Variants in ESRRG observed in about 807,000 individuals in gnomAD.
The protein encoded by ESRRG is estrogen related receptor gamma.
ESRRG carries 13 observed loss-of-function variants against 44.0 expected under a neutral mutation model. That is an observed-to-expected ratio of 0.30 (90% CI 0.19 to 0.47). The LOEUF (loss-of-function observed/expected upper bound fraction) is 0.47, where lower values mean the gene tolerates loss of function less well. Ranked by LOEUF, ESRRG falls within the 20% of genes least tolerant of loss-of-function variation. The pLI, the probability that ESRRG is intolerant of heterozygous loss-of-function variation, is 1.00. For synonymous variants in ESRRG, 215 were observed against 214.6 expected (o/e 1.00, Z -0.02); for missense variants, 395 against 580.6 (o/e 0.68, Z 3.29).
At chr1:216,820,902 G>T (rs897306003) in intron 2 of ESRRG, among the ~76,000 whole-genome samples, 9 of 152,094 alleles carry the variant, frequency 5.9e-5, no homozygotes, top group Non-Finnish European at 1.2e-4. Flanking sequence ...TCCTTCTCTT[G>T]TCTACTTATC....
intron 3 of ESRRG, among the ~76,000 whole-genome samples, chr1:216,589,266 C>A (rs1157501486): frequency 6.6e-6 from 1 of 152,082 alleles, no homozygotes; most frequent in African/African-American, 2.4e-5. Context: ...CTTATCCGAC[C>A]CACAAGTGGG....
At chr1:217,061,476 TC>T (rs1257731234) in intron 1 of ESRRG, among the ~76,000 whole-genome samples, 1 of 151,506 alleles carries the variant, frequency 6.6e-6, no homozygotes, top group African/African-American at 2.4e-5. Flanking sequence ...ATAAATGAGC[TC>T]CCCCCACACT....
At chr1:216,651,203 CAT>C (rs954155771) in intron 2 of ESRRG, 114 bp from the exon 3 acceptor site, 9 of 706,024 alleles carry the variant, frequency 1.3e-5, no homozygotes, top group Non-Finnish European at 2.1e-5. Context: ...AAAAATGTCA[CAT>C]GAGACTCAAG....
chr1:216,560,382 A>G (rs1185095425), intron 5 of ESRRG, among the ~76,000 whole-genome samples: 12 of 152,180 alleles, frequency 7.9e-5, no homozygotes. Flanking sequence ...ATAAACAAAG[A>G]CAATTTTTTC....
At chr1:216,961,012 C>T (rs1560271931) in intron 1 of ESRRG, among the ~76,000 whole-genome samples, 1 of 152,130 alleles carries the variant, frequency 6.6e-6, no homozygotes, top group Non-Finnish European at 1.5e-5. Flanking sequence ...TTTCATCAGA[C>T]ATCAAAACAT....
At chr1:216,924,984 A>G (rs1377014352) in intron 2 of ESRRG, among the ~76,000 whole-genome samples, 1 of 152,110 alleles carries the variant, frequency 6.6e-6, no homozygotes, top group Non-Finnish European at 1.5e-5. Flanking sequence ...CTTCTGTATC[A>G]TCTGCTACTA....
intron 1 of ESRRG, among the ~76,000 whole-genome samples, chr1:216,971,604 T>A (rs1175150731): frequency 1.3e-5 from 2 of 152,238 alleles, no homozygotes; most frequent in Non-Finnish European, 2.9e-5. Context: ...AGTCATTAGC[T>A]ATTTAAAATT....
rs185415880 is a variant in ESRRG, at chr1:216,739,137, G to A, written c.-13-61646C>T. On this transcript the variant is annotated intron_variant, in intron 2 of 7. Coordinates refer to the ESRRG transcript ENST00000359162. ...ACCAAATGCTATTAATGTTTTCTTC[G>A]TATTTATCTGATTCTCCCATGACTG... 4.1e-3 allele frequency among the ~76,000 whole-genome samples: 628 copies of A among 151,948 alleles called. 3 individuals are homozygous for A. The highest frequency in any genetic ancestry group is 0.01 in the Middle Eastern group (3 of 292).
intron 2 of ESRRG, among the ~76,000 whole-genome samples, chr1:216,931,749 CATACAAA>C (rs1184407559): frequency 2.7e-5 from 4 of 147,946 alleles, no homozygotes; most frequent in African/African-American, 9.9e-5. Context: ...GTTGAAAAGA[CATACAAA>C]ATATTTAGAA....
intron 2 of ESRRG, among the ~76,000 whole-genome samples, chr1:216,669,378 A>G (rs2074670671): frequency 6.6e-6 from 1 of 152,220 alleles, no homozygotes; most frequent in African/African-American, 2.4e-5. Flanking sequence ...ATGCTGTTTT[A>G]GGACACCCAT....
intron 3 of ESRRG, among the ~76,000 whole-genome samples, chr1:216,612,599 C>T (rs1475281467): frequency 6.6e-6 from 1 of 152,184 alleles, no homozygotes; most frequent in Non-Finnish European, 1.5e-5. Flanking sequence ...ATCAGCAGAG[C>T]TTAGCCCCAC....
At chr1:217,058,087 T>C (rs1293174055) in intron 1 of ESRRG, among the ~76,000 whole-genome samples, 1 of 152,108 alleles carries the variant, frequency 6.6e-6, no homozygotes, top group Non-Finnish European at 1.5e-5. Context: ...TGAAATGATA[T>C]TGAAAAGCTG....
At chr1:217,137,049 T>G (rs796953716) in intron 1 of ESRRG, among the ~76,000 whole-genome samples, 39 of 152,182 alleles carry the variant, frequency 2.6e-4, no homozygotes, top group African/African-American at 9.2e-4. Flanking sequence ...CCCGTGGGCC[T>G]AAAGCGACTA....
intron 1 of ESRRG, among the ~76,000 whole-genome samples, chr1:216,682,391 T>A (rs185546213): frequency 6.3e-4 from 96 of 152,322 alleles, no homozygotes; most frequent in African/African-American, 2.3e-3. Flanking sequence ...CCTGGAAAGG[T>A]AATCATCATC....
intron 1 of ESRRG, among the ~76,000 whole-genome samples, chr1:216,944,546 T>A (rs1169499838): frequency 6.6e-6 from 1 of 152,180 alleles, no homozygotes; most frequent in Non-Finnish European, 1.5e-5. Context: ...TGCAAGTTCT[T>A]CTTGGTTTAT....
At chr1:216,843,212 TG>T (rs11572567) in intron 2 of ESRRG, among the ~76,000 whole-genome samples, 5,026 of 151,972 alleles carry the variant, frequency 0.033, 285 homozygotes, top group African/African-American at 0.11. Flanking sequence ...AATCAAATTT[TG>T]TTTTTTTTTA....
chr1:216,799,704 A>G (rs11572608), intron 2 of ESRRG, among the ~76,000 whole-genome samples: 105 of 152,308 alleles, frequency 6.9e-4, no homozygotes, highest in Non-Finnish European at 9.4e-4. Flanking sequence ...TATCAGTAAA[A>G]GGTTTGCAAA....
chr1:217,023,752 T>G (rs2080738776), intron 1 of ESRRG, among the ~76,000 whole-genome samples: 1 of 152,072 alleles, frequency 6.6e-6, no homozygotes, highest in African/African-American at 2.4e-5. Context: ...ACCCCGACCC[T>G]TGCCCCAAAA....
intron 2 of ESRRG, among the ~76,000 whole-genome samples, chr1:216,772,300 G>A (rs572666928): frequency 6.6e-4 from 100 of 152,150 alleles, no homozygotes; most frequent in Middle Eastern, 3.4e-3. Flanking sequence ...GTCCTAAAAC[G>A]GTGGATCTAT....
Sources: allele counts gnomAD v4.1 joint callset (sites outside exome capture counted in the v4.1 genomes callset), GRCh38; gene constraint gnomAD v4.1.1; transcripts MANE v1.5; gene names NCBI Gene and HGNC (gene_info 2026-07-23, HGNC 2026-07-21).